The following DENND5B variants were observed in gnomAD, a reference collection of about 807,000 sequenced individuals.
DENND5B encodes DENN domain containing 5B, also known as DENN domain-containing protein 5B.
Under a neutral mutation model 140.6 loss-of-function variants are expected in DENND5B, and 34 were observed. That is an observed-to-expected ratio of 0.24 (90% CI 0.18 to 0.32). The LOEUF (loss-of-function observed/expected upper bound fraction) is 0.32, where lower values mean the gene tolerates loss of function less well. DENND5B is among the 10% of genes least tolerant of loss of function. The pLI is 1.00. For missense variants in DENND5B, 1,142 were observed against 1,560.2 expected, an observed-to-expected ratio of 0.73 and a Z score of 4.52; for synonymous variants, 551 against 562.1, an observed-to-expected ratio of 0.98 and a Z score of 0.28.
chr12:31,525,919 G>C (rs1370768081), intron 1 of DENND5B, among the ~76,000 whole-genome samples: 2 of 152,158 alleles, frequency 1.3e-5, no homozygotes, highest in Non-Finnish European at 2.9e-5. Context: ...CTTAAGCCCA[G>C]GAGGCAGAGG....
intron 1 of DENND5B, among the ~76,000 whole-genome samples, chr12:31,536,959 C>T (rs1336043732): frequency 6.6e-6 from 1 of 151,874 alleles, no homozygotes; most frequent in Non-Finnish European, 1.5e-5. Context: ...AAACTTTTAC[C>T]CCAGAATAAT....
chr12:31,549,428 C>T lies in DENND5B; in HGVS notation c.127+41278G>A, dbSNP rs376720758. Among the ~76,000 whole-genome samples, 12 of 151,848 alleles carry T rather than the reference C, an allele frequency of 7.9e-5. No individual in the cohort carries two copies. In the South Asian group the frequency reaches 1.0e-3, roughly 13 times the overall value. On this transcript the variant is annotated intron_variant, in intron 1 of 20. Coordinates refer to ENST00000389082, the MANE Select transcript of DENND5B (RefSeq NM_144973.4). ...GAAACAAATATTATTATTTTAATTA[C>T]GCTATCTATATGGCTCTAATTTTCT...
intron 1 of DENND5B, among the ~76,000 whole-genome samples, chr12:31,551,651 G>T (rs1949065730): frequency 6.6e-6 from 1 of 152,048 alleles, no homozygotes; most frequent in African/African-American, 2.4e-5. Flanking sequence ...AAATTACCTT[G>T]GGCAGTATGG....
chr12:31,403,713 C>G (rs11608397), intron 14 of DENND5B, among the ~76,000 whole-genome samples: 1 of 149,596 alleles, frequency 6.7e-6, no homozygotes, highest in Non-Finnish European at 1.5e-5. Context: ...CTGACCAACA[C>G]GGTGAAACCC....
At chr12:31,544,288 AT>A (rs1948780152) in intron 1 of DENND5B, among the ~76,000 whole-genome samples, 1 of 152,184 alleles carries the variant, frequency 6.6e-6, no homozygotes, top group Non-Finnish European at 1.5e-5. Flanking sequence ...TTTAATTTTA[AT>A]TTTTATTTTT....
rs1940916886 is a variant in DENND5B at position 31,387,751 on chromosome 12, G to A, written c.3677C>T (p.Ala1226Val). 6.2e-7 allele frequency: 1 copy of A among 1,613,830 alleles called. No homozygotes were observed. The highest frequency in any genetic ancestry group is 1.3e-5 in the African/African-American group (1 of 74,946). The change falls in exon 21 of 21, where the codon GCT becomes GTT. Residue 1226 changes from alanine to valine, a missense_variant. Coordinates refer to ENST00000389082, the MANE Select transcript of DENND5B (RefSeq NM_144973.4). ...RLLPQWIPLL[A>V]ECPAITRMYE... is the part of the protein sequence containing the mutation. ...CATTCGAGTGATGGCAGGACACTCA[G>A]CTAACAATGGAATCCACTGTGGGAG...
intron 2 of DENND5B, among the ~76,000 whole-genome samples, chr12:31,490,201 C>T (rs1178912550): frequency 7.0e-6 from 1 of 142,526 alleles, no homozygotes; most frequent in Non-Finnish European, 1.5e-5. Flanking sequence ...TTTGAGATGC[C>T]AGTGAAATAT....
At chr12:31,461,404 T>A (rs1945014379) in intron 3 of DENND5B, among the ~76,000 whole-genome samples, 1 of 152,172 alleles carries the variant, frequency 6.6e-6, no homozygotes, top group Non-Finnish European at 1.5e-5. Flanking sequence ...AACTCACTAG[T>A]TTATCAAAAT....
intron 1 of DENND5B, among the ~76,000 whole-genome samples, chr12:31,529,788 A>G (rs1018109250): frequency 6.6e-6 from 1 of 152,100 alleles, no homozygotes; most frequent in African/African-American, 2.4e-5. Context: ...AAATCACATC[A>G]GTTTTTATTA....
At chr12:31,472,948 TA>T (rs71062435) in intron 3 of DENND5B, among the ~76,000 whole-genome samples, 2,539 of 148,224 alleles carry the variant, frequency 0.017, 72 homozygotes, top group African/African-American at 0.059. Context: ...GAAGTCTTTT[TA>T]AAAAAAAAAA....
chr12:31,579,978 A>AAT (rs563286660), intron 1 of DENND5B, among the ~76,000 whole-genome samples: 54 of 149,270 alleles, frequency 3.6e-4, no homozygotes, highest in Middle Eastern at 3.5e-3. Context: ...TATATAAAAA[A>AAT]ATATATATAT....
intron 4 of DENND5B, among the ~76,000 whole-genome samples, chr12:31,458,999 A>T (rs1408093773): frequency 6.6e-6 from 1 of 152,098 alleles, no homozygotes; most frequent in African/African-American, 2.4e-5. Context: ...GATCACCTGA[A>T]GATGGGAGTT....
At position 31,578,126 on chromosome 12, in the gene DENND5B, C is replaced by CAA. The variant is rs5797421; in HGVS notation, c.127+12578_127+12579dup. On this transcript the variant is annotated intron_variant, in intron 1 of 20. Coordinates refer to ENST00000389082, the MANE Select transcript of DENND5B (RefSeq NM_144973.4). ...TGGGGGACAAAGTGGGACGCTGTCT[C>CAA]AAAAAAAAAAAAAAAAAAAAAAAAA... Among the ~76,000 whole-genome samples, 542 of 77,174 alleles carry CAA rather than the reference C, an allele frequency of 7.0e-3. 1 individual carries two copies. Among genetic ancestry groups the CAA allele is most frequent in the South Asian group, 0.018 (36 of 1,972 alleles). The allele number at this position is 77,174 out of a possible 152,430, so 50.6% of individuals were successfully genotyped here.
intron 3 of DENND5B, 28 bp from the exon 4 acceptor site, chr12:31,460,409 G>T: frequency 6.3e-7 from 1 of 1,588,954 alleles, no homozygotes; most frequent in South Asian, 1.1e-5. Context: ...AAAGGAAAGG[G>T]AAGAGTCCAA....
intron 1 of DENND5B, among the ~76,000 whole-genome samples, chr12:31,562,656 T>G (rs544216198): frequency 1.5e-3 from 227 of 152,126 alleles, no homozygotes; most frequent in Non-Finnish European, 2.7e-3. Context: ...ATAAAAGGCT[T>G]GTAGTTGTAT....
At chr12:31,559,194 T>C (rs1016256415) in intron 1 of DENND5B, among the ~76,000 whole-genome samples, 8 of 152,142 alleles carry the variant, frequency 5.3e-5, no homozygotes, top group African/African-American at 1.9e-4. Flanking sequence ...ACCTTCACAT[T>C]AGTGGAGGAA....
chr12:31,585,285 CCT>C (rs1950359631), intron 1 of DENND5B, among the ~76,000 whole-genome samples: 1 of 152,168 alleles, frequency 6.6e-6, no homozygotes, highest in Admixed American at 6.5e-5. Flanking sequence ...TTCCCCAGCC[CCT>C]GAGCTACCCG....
At chr12:31,516,077 T>C (rs915276596) in intron 1 of DENND5B, among the ~76,000 whole-genome samples, 1 of 152,232 alleles carries the variant, frequency 6.6e-6, no homozygotes, top group Non-Finnish European at 1.5e-5. Context: ...CCTTGTTTAT[T>C]GGGCTGAACT....
intron 1 of DENND5B, among the ~76,000 whole-genome samples, chr12:31,585,531 T>G (rs916497227): frequency 6.6e-6 from 1 of 152,196 alleles, no homozygotes; most frequent in Non-Finnish European, 1.5e-5. Flanking sequence ...TCATCTTTTT[T>G]CTGAGTTTAA....
Sources: allele counts gnomAD v4.1 joint callset (sites outside exome capture counted in the v4.1 genomes callset), GRCh38; gene constraint gnomAD v4.1.1; transcripts MANE v1.5; gene names NCBI Gene and HGNC (gene_info 2026-07-23, HGNC 2026-07-21).